The following CASZ1 variants were observed in gnomAD, a reference collection of about 807,000 sequenced individuals.
CASZ1 encodes the protein castor zinc finger 1.
Under a neutral mutation model 135.2 loss-of-function variants are expected in CASZ1, and 28 were observed. The observed-to-expected ratio is 0.21, with a 90% CI of 0.15 to 0.28. CASZ1 has a LOEUF of 0.28. Among genes scored for constraint, CASZ1 ranks in the 10% least tolerant of loss-of-function variants. The pLI, the probability that CASZ1 is intolerant of heterozygous loss-of-function variation, is 1.00. For synonymous variants in CASZ1, 1,068 were observed against 1,073.4 expected (o/e 0.99, Z 0.10); for missense variants, 2,161 against 2,453.3 (o/e 0.88, Z 2.52).
chr1:10,723,513 C>T (rs924623095), intron 2 of CASZ1, among the ~76,000 whole-genome samples: 2 of 152,228 alleles, frequency 1.3e-5, no homozygotes, highest in Non-Finnish European at 2.9e-5. Flanking sequence ...CCTGCTGCCT[C>T]ACCCCTGCCC....
intron 2 of CASZ1, among the ~76,000 whole-genome samples, chr1:10,722,111 G>A (rs774362367): frequency 1.3e-5 from 2 of 152,162 alleles, no homozygotes; most frequent in Non-Finnish European, 2.9e-5. Flanking sequence ...CCGCCCCTTC[G>A]CAACCTGCAC....
At chr1:10,672,128 C>T (rs564757338) in intron 4 of CASZ1, among the ~76,000 whole-genome samples, 41 of 152,186 alleles carry the variant, frequency 2.7e-4, no homozygotes, top group African/African-American at 9.6e-4. Context: ...CTCACCCGCC[C>T]GCCGCATCTC....
intron 4 of CASZ1, among the ~76,000 whole-genome samples, chr1:10,682,319 TCAC>T (rs1360933266): frequency 1.3e-5 from 2 of 151,810 alleles, no homozygotes; most frequent in African/African-American, 4.8e-5. Context: ...ACGGGAAATA[TCAC>T]CGTGAAGTGG....
At chr1:10,752,747 T>A (rs1640171940) in intron 2 of CASZ1, among the ~76,000 whole-genome samples, 1 of 152,202 alleles carries the variant, frequency 6.6e-6, no homozygotes, top group Non-Finnish European at 1.5e-5. Flanking sequence ...TAATAAACAA[T>A]GAATACGGCC....
chr1:10,701,689 T>C lies in CASZ1; in HGVS notation c.-24+3803A>G, dbSNP rs998212783. On this transcript the variant is annotated intron_variant, in intron 3 of 20. Coordinates refer to ENST00000377022, the MANE Select transcript of CASZ1 (RefSeq NM_001079843.3). The surrounding 1 kb of genome is among the most constrained non-coding windows in gnomAD (Gnocchi z 6.3). ...ACCTGACATCCCATCTTGTCGTGAA[T>C]GAAGACTCGGCCGATCAGGCTGCTG... 6.6e-5 allele frequency among the ~76,000 whole-genome samples: 10 copies of C among 152,240 alleles called. No individual in the cohort carries two copies. Among genetic ancestry groups the C allele is most frequent in the Non-Finnish European group, 1.3e-4 (9 of 68,038 alleles).
intron 2 of CASZ1, among the ~76,000 whole-genome samples, chr1:10,740,849 T>C (rs892343300): frequency 6.7e-6 from 1 of 150,176 alleles, no homozygotes; most frequent in Non-Finnish European, 1.5e-5. Flanking sequence ...TTCTGGCTCC[T>C]TGGGAGGCTA....
chr1:10,641,762 C>T (rs114537608), intron 20 of CASZ1, among the ~76,000 whole-genome samples: 1 of 152,242 alleles, frequency 6.6e-6, no homozygotes, highest in Non-Finnish European at 1.5e-5. Context: ...GATCAGCCAT[C>T]TCTGGGACTC....
intron 3 of CASZ1, among the ~76,000 whole-genome samples, chr1:10,702,876 C>T (rs1036812084): frequency 1.3e-3 from 200 of 152,104 alleles, no homozygotes; most frequent in African/African-American, 4.5e-3. Context: ...AAATCCAATA[C>T]GCTGAAAGGT....
Position 10,646,430 on chromosome 1 carries a change from TACC to T in CASZ1, c.3498-107_3498-105del, listed in dbSNP as rs1387658673. The T allele has an allele frequency of 2.8e-6, 3 of 1,069,884 alleles. No homozygotes were observed. The highest frequency in any genetic ancestry group is 2.8e-6 in the Non-Finnish European group (2 of 720,270). The allele number at this position is 1,069,884 out of a possible 1,614,324, so 66.3% of individuals were successfully genotyped here. On this transcript the variant is annotated intron_variant, in intron 16 of 20. Transcript: ENST00000377022. This position sits in a 1 kb window ranked among gnomAD's most constrained non-coding sequence, Gnocchi z 6.4. ...GAGTTCACTCCCCCACGACCAGCGG[TACC>T]ACCAAGAGGGATGGCCTGGGCTGCT...
chr1:10,643,829 G>A (rs1390660491), intron 18 of CASZ1, among the ~76,000 whole-genome samples: 4 of 152,220 alleles, frequency 2.6e-5, no homozygotes, highest in East Asian at 3.9e-4. Context: ...CCGGCCAGGT[G>A]TCTTCTGTCA....
Position 10,747,348 on chromosome 1 carries a change from G to C in CASZ1, c.-77+13353C>G, listed in dbSNP as rs1221273024. 6.6e-6 allele frequency among the ~76,000 whole-genome samples: 1 copy of C among 152,188 alleles called. No individual in the cohort carries two copies. Among genetic ancestry groups the C allele is most frequent in the Non-Finnish European group, 1.5e-5 (1 of 68,030 alleles). ...CCAGCAGACAAACCAAATCCCATGG[G>C]CAGGGATTCTTACCAAGTGCTAAGT... On this transcript the variant is annotated intron_variant, in intron 2 of 20. Transcript: ENST00000377022. The surrounding 1 kb of genome is among the most constrained non-coding windows in gnomAD (Gnocchi z 4.3).
intron 4 of CASZ1, among the ~76,000 whole-genome samples, chr1:10,669,589 C>T (rs1643342559): frequency 6.6e-6 from 1 of 152,184 alleles, no homozygotes; most frequent in Admixed American, 6.5e-5. Context: ...AGGGGCGTTC[C>T]TGTAGCTGCA....
At chr1:10,668,199 T>C (rs1240725067) in intron 4 of CASZ1, among the ~76,000 whole-genome samples, 1 of 152,048 alleles carries the variant, frequency 6.6e-6, no homozygotes, top group Non-Finnish European at 1.5e-5. Context: ...AGGTCTAAGC[T>C]TTCCGCCGCC....
chr1:10,784,606 CAGGCTGG>C (rs965938878), intron 1 of CASZ1, among the ~76,000 whole-genome samples: 4 of 152,144 alleles, frequency 2.6e-5, no homozygotes, highest in African/African-American at 9.7e-5. Flanking sequence ...CTCTGTTGCC[CAGGCTGG>C]AGTGCAGTGG....
At chr1:10,722,216 C>T (rs1639509908) in intron 2 of CASZ1, among the ~76,000 whole-genome samples, 1 of 152,236 alleles carries the variant, frequency 6.6e-6, no homozygotes, top group Non-Finnish European at 1.5e-5. Context: ...TTCCTTTACC[C>T]CATGGCTTTA....
At position 10,653,841 on chromosome 1, in the gene CASZ1, C is replaced by T. The variant is rs1642690071; in HGVS notation, c.2216G>A (p.Ser739Asn). The change falls in exon 11 of 21, where the codon AGC becomes AAC. Residue 739 changes from serine to asparagine, a missense_variant. This residue lies in a region of CASZ1 where 406 missense variants were observed against 387.6 expected (regional missense o/e 1.05). Transcript: ENST00000377022. ...SALSSKNSSL[S>N]ASPTSQQSSA... ...GGACTGCTGGCTGGTAGGGGAGGCG[C>T]TCAGGCTGGAGTTCTTGCTGCTCAG... is the stretch of plus-strand genomic sequence containing the variant. The T allele has an allele frequency of 6.2e-7, 1 of 1,609,086 alleles. No individual in the cohort carries two copies. Among genetic ancestry groups the T allele is most frequent in the South Asian group, 1.1e-5 (1 of 90,744 alleles).
Position 10,657,941 on chromosome 1 carries a change from T to TG in CASZ1, c.1409+566dup, listed in dbSNP as rs775649068. 42 of 152,674 alleles carry TG rather than the reference T, an allele frequency of 2.8e-4. 1 individual carries two copies. The Middle Eastern group carries it at 0.01, about 37-fold the overall frequency. The allele number at this position is 152,674 out of a possible 1,614,324, so 9.5% of individuals were successfully genotyped here. A position where few individuals can be genotyped will look rare whatever the true frequency, so the allele number is the denominator to read the frequency against. On this transcript the variant is annotated intron_variant, in intron 7 of 20. Transcript: ENST00000377022. The surrounding 1 kb of genome is among the most constrained non-coding windows in gnomAD (Gnocchi z 5.7). ...TCAGAGCCTCACTGGGGAAGTGCAT[T>TG]GGGCTGTGTCAGAGAGGACGACAGC...
chr1:10,788,055 C>T lies in CASZ1; in HGVS notation c.-234+8509G>A, dbSNP rs1640890060. Among the ~76,000 whole-genome samples the T allele has an allele frequency of 6.6e-6, 1 of 152,188 alleles. No homozygotes were observed. The highest frequency in any genetic ancestry group is 2.1e-4 in the South Asian group (1 of 4,832). On this transcript the variant is annotated intron_variant, in intron 1 of 20. Transcript: ENST00000377022. The surrounding 1 kb of genome is among the most constrained non-coding windows in gnomAD (Gnocchi z 4.1). ...GTTCAAACATGACCTTGCCTAAGAC[C>T]GTTGCTCAAACATCTTAGAATCCCA... is the stretch of plus-strand genomic sequence containing the variant.
chr1:10,781,972 C>A (rs1443664540), intron 1 of CASZ1, among the ~76,000 whole-genome samples: 9 of 152,224 alleles, frequency 5.9e-5, no homozygotes, highest in Admixed American at 3.3e-4. Flanking sequence ...GCAGACTCCA[C>A]CAGCCTTTTC....
Sources: allele counts gnomAD v4.1 joint callset (sites outside exome capture counted in the v4.1 genomes callset), GRCh38; gene constraint gnomAD v4.1.1; regional missense constraint gnomAD v4.1.1; non-coding constraint Gnocchi (gnomAD v3.1); transcripts MANE v1.5; gene names NCBI Gene and HGNC (gene_info 2026-07-23, HGNC 2026-07-21).